The following WDR72 variants were observed in gnomAD, a reference collection of about 807,000 sequenced individuals.
The protein encoded by WDR72 is WD repeat-containing protein 72.
Under a neutral mutation model 124.2 loss-of-function variants are expected in WDR72, and 120 were observed. The ratio of observed to expected loss-of-function variants is 0.97; its 90% CI spans 0.83 to 1.12. WDR72 has a LOEUF of 1.12. WDR72 is among the 50% of genes most tolerant of loss of function. The probability of loss-of-function intolerance (pLI) is 0.00; values close to 1 mark genes in which losing one functional copy is unlikely to be tolerated. For missense variants in WDR72, 1,387 were observed against 1,278.8 expected (o/e 1.08, Z -1.29); for synonymous variants, 452 against 441.7 (o/e 1.02, Z -0.29).
chr15:53,741,788 C>T (rs1458554304), intron 1 of WDR72, among the ~76,000 whole-genome samples: 1 of 151,448 alleles, frequency 6.6e-6, no homozygotes, highest in East Asian at 1.9e-4. Flanking sequence ...GGAGTGGTGG[C>T]ACGATCTCTG....
intron 18 of WDR72, among the ~76,000 whole-genome samples, chr15:53,530,834 A>G (rs1410703049): frequency 6.6e-6 from 1 of 152,092 alleles, no homozygotes; most frequent in Admixed American, 6.6e-5. Flanking sequence ...TTGAATCAGT[A>G]GGAGAAAAAA....
At position 53,702,121 on chromosome 15, in the gene WDR72, C is replaced by T. The variant is rs1380168161; in HGVS notation, c.1569+13G>A. On this transcript the variant is annotated intron_variant, in intron 12 of 19. Transcript: ENST00000360509. Reference sequence around the variant, plus strand: ...TTTCAAATTTAGATGTTATATTTTACTCTTCGTCTTACTTTAAACTTCTCT... The same window carrying T: ...TTTCAAATTTAGATGTTATATTTTATTCTTCGTCTTACTTTAAACTTCTCT... 6 of 1,597,502 alleles carry T rather than the reference C, an allele frequency of 3.8e-6. No homozygotes were observed. Among genetic ancestry groups the T allele is most frequent in the East Asian group, 2.2e-5 (1 of 44,674 alleles).
rs140554689 is a variant in WDR72 at position 53,678,203 on chromosome 15, C to T, written c.1766-12435G>A. Among the ~76,000 whole-genome samples, 388 of 152,292 alleles carry T rather than the reference C, an allele frequency of 2.5e-3. 5 individuals carry two copies. Among genetic ancestry groups the T allele is most frequent in the African/African-American group, 8.9e-3 (370 of 41,562 alleles). ...TATAAAAGATTAGGAACATCCCAAT[C>T]CATCTGCCCTTAAAACATTTTATTT... On this transcript the variant is annotated intron_variant, in intron 13 of 19. Transcript: ENST00000360509.
intron 17 of WDR72, among the ~76,000 whole-genome samples, chr15:53,607,830 T>TA (rs971632774): frequency 1.3e-5 from 2 of 151,472 alleles, no homozygotes; most frequent in Non-Finnish European, 2.9e-5. Context: ...AACAATCCAA[T>TA]AAAAAAATGG....
At chr15:53,688,879 G>A (rs2016740230) in intron 13 of WDR72, among the ~76,000 whole-genome samples, 1 of 152,024 alleles carries the variant, frequency 6.6e-6, no homozygotes, top group Non-Finnish European at 1.5e-5. Context: ...ATAGATCAAT[G>A]GAACAGAACA....
At chr15:53,555,856 A>G (rs2140286520) in intron 18 of WDR72, among the ~76,000 whole-genome samples, 1 of 152,242 alleles carries the variant, frequency 6.6e-6, no homozygotes. Context: ...GCACTCCTTC[A>G]GAAGAAAGGG....
chr15:53,624,008 C>T (rs377413476), intron 14 of WDR72, among the ~76,000 whole-genome samples: 11 of 152,244 alleles, frequency 7.2e-5, no homozygotes, highest in Admixed American at 2.0e-4. Context: ...ATGCTCACGA[C>T]TTTTCCCATT....
At chr15:53,569,923 G>A (rs1354966477) in intron 18 of WDR72, among the ~76,000 whole-genome samples, 1 of 152,110 alleles carries the variant, frequency 6.6e-6, no homozygotes, top group African/African-American at 2.4e-5. Flanking sequence ...GTGGTCTTCA[G>A]TGAAATGTAT....
At chr15:53,533,883 T>G (rs530558624) in intron 18 of WDR72, among the ~76,000 whole-genome samples, 1 of 152,316 alleles carries the variant, frequency 6.6e-6, no homozygotes, top group South Asian at 2.1e-4. Flanking sequence ...TCAGTTAACA[T>G]TATTTTTTCT....
intron 13 of WDR72, among the ~76,000 whole-genome samples, chr15:53,680,362 T>A (rs922294329): frequency 1.5e-4 from 23 of 152,222 alleles, no homozygotes; most frequent in Non-Finnish European, 3.1e-4. Flanking sequence ...AGCACAAGTT[T>A]CTTTACACAA....
intron 18 of WDR72, among the ~76,000 whole-genome samples, chr15:53,570,035 T>C (rs1423944439): frequency 6.6e-6 from 1 of 152,080 alleles, no homozygotes; most frequent in Non-Finnish European, 1.5e-5. Flanking sequence ...TTATCCTTCA[T>C]CTTTTTATAA....
chr15:53,578,738 AAAACAAAC>A (rs145536735), intron 18 of WDR72, among the ~76,000 whole-genome samples: 63 of 151,958 alleles, frequency 4.1e-4, no homozygotes, highest in African/African-American at 1.3e-3. Context: ...AATAAAACTT[AAAACAAAC>A]AAACAAACAA....
chr15:53,708,366 A>T (rs747741344), intron 9 of WDR72, among the ~76,000 whole-genome samples: 1 of 152,192 alleles, frequency 6.6e-6, no homozygotes, highest in Non-Finnish European at 1.5e-5. Flanking sequence ...ACTGTGAAAT[A>T]AGACTAATAA....
At chr15:53,670,937 C>T (rs892691952) in intron 13 of WDR72, among the ~76,000 whole-genome samples, 5 of 152,152 alleles carry the variant, frequency 3.3e-5, no homozygotes, top group African/African-American at 1.2e-4. Context: ...GCCCCCAGGG[C>T]TTCCTACCTG....
intron 17 of WDR72, among the ~76,000 whole-genome samples, chr15:53,597,591 C>T (rs1369642144): frequency 1.3e-5 from 2 of 151,980 alleles, no homozygotes; most frequent in African/African-American, 4.8e-5. Flanking sequence ...TTCATTTCCA[C>T]CAGAAGATAA....
At chr15:53,718,477 T>C in intron 3 of WDR72, among the ~76,000 whole-genome samples, 1 of 152,268 alleles carries the variant, frequency 6.6e-6, no homozygotes. Flanking sequence ...TTTTATTTTC[T>C]ATATTAAATC....
rs750261617 is a variant in WDR72 at position 53,702,252 on chromosome 15, G to C, written c.1451C>G (p.Ser484Cys). 7.4e-6 allele frequency: 12 copies of C among 1,614,098 alleles called. No homozygotes were observed. The highest frequency in any genetic ancestry group is 4.4e-5 in the South Asian group (4 of 91,076). The change falls in exon 12 of 20, where the codon TCT (serine) becomes TGT (cysteine). Residue 484 changes from serine (S) to cysteine (C), a missense_variant. By Grantham distance (112) the Ser-to-Cys change is moderately radical (BLOSUM62 -1). Coordinates refer to ENST00000360509, the MANE Select transcript of WDR72 (RefSeq NM_182758.4). ...GATCACACATGAGTCCAGGTCCCCA[G>C]ACAACATCCAACTTTGGTCTAATTT... ...SSKLDQSWML[S>C]GDLDSCVILW...
At chr15:53,590,041 C>T (rs1278380678) in intron 18 of WDR72, among the ~76,000 whole-genome samples, 2 of 152,066 alleles carry the variant, frequency 1.3e-5, no homozygotes, top group East Asian at 3.9e-4. Context: ...GACTACAATG[C>T]TTTTTGAAAA....
At chr15:53,594,793 C>G (rs1434246643) in intron 18 of WDR72, among the ~76,000 whole-genome samples, 1 of 151,092 alleles carries the variant, frequency 6.6e-6, no homozygotes, top group Admixed American at 6.6e-5. Context: ...ACCCCCCACC[C>G]CCCCAAAAAA....
Sources: allele counts gnomAD v4.1 joint callset (sites outside exome capture counted in the v4.1 genomes callset), GRCh38; gene constraint gnomAD v4.1.1; transcripts MANE v1.5; gene names NCBI Gene and HGNC (gene_info 2026-07-23, HGNC 2026-07-21).